FAF1: variants seen among roughly 807,000 people sequenced by gnomAD.
FAF1 encodes the protein Fas associated factor 1.
A neutral mutation model predicts 92.5 loss-of-function variants in FAF1; 25 were observed. That is an observed-to-expected ratio of 0.27 (90% CI 0.20 to 0.38). The LOEUF is 0.38. FAF1 is among the 10% of genes least tolerant of loss of function. FAF1 has a pLI of 1.00. For missense variants in FAF1, 636 were observed against 793.3 expected, an observed-to-expected ratio of 0.80 and a Z score of 2.38; for synonymous variants, 234 against 273.2, an observed-to-expected ratio of 0.86 and a Z score of 1.42.
At chr1:50,744,981 T>G (rs1026744219) in intron 4 of FAF1, among the ~76,000 whole-genome samples, 5 of 152,138 alleles carry the variant, frequency 3.3e-5, no homozygotes, top group Admixed American at 3.3e-4. Flanking sequence ...ATAGCATACA[T>G]TAATGAAACT....
chr1:50,485,462 A>G (rs1646753438), intron 17 of FAF1, among the ~76,000 whole-genome samples: 1 of 151,870 alleles, frequency 6.6e-6, no homozygotes, highest in Admixed American at 6.6e-5. Context: ...GGAGATCAAG[A>G]CCATCCTGGC....
intron 15 of FAF1, among the ~76,000 whole-genome samples, chr1:50,496,856 T>C (rs1394737603): frequency 6.7e-6 from 1 of 148,888 alleles, no homozygotes; most frequent in Non-Finnish European, 1.5e-5. Context: ...ACCATTGTAC[T>C]CCAGTCTGGG....
At chr1:50,783,856 C>T (rs111701872) in intron 4 of FAF1, among the ~76,000 whole-genome samples, 10,027 of 152,150 alleles carry the variant, frequency 0.066, 407 homozygotes, top group East Asian at 0.094. Context: ...GCCTGGGTGA[C>T]AGAGTGAGAC....
intron 12 of FAF1, among the ~76,000 whole-genome samples, chr1:50,581,454 A>G (rs993821307): frequency 6.6e-6 from 1 of 152,126 alleles, no homozygotes; most frequent in Non-Finnish European, 1.5e-5. Flanking sequence ...CCATGTACAC[A>G]CTATTCCTTC....
At chr1:50,942,366 T>C (rs1484007037) in intron 1 of FAF1, among the ~76,000 whole-genome samples, 1 of 151,940 alleles carries the variant, frequency 6.6e-6, no homozygotes, top group Non-Finnish European at 1.5e-5. Flanking sequence ...TACACATAAA[T>C]TAGCCAGGTG....
chr1:50,863,302 A>T (rs1644451023), intron 1 of FAF1, among the ~76,000 whole-genome samples: 1 of 151,988 alleles, frequency 6.6e-6, no homozygotes, highest in Admixed American at 6.6e-5. Flanking sequence ...AAACTAAAAA[A>T]TTATTTGAAC....
At chr1:50,873,075 C>T (rs1298832162) in intron 1 of FAF1, among the ~76,000 whole-genome samples, 1 of 152,152 alleles carries the variant, frequency 6.6e-6, no homozygotes, top group Non-Finnish European at 1.5e-5. Flanking sequence ...AACGTTGAGG[C>T]AAGACCCTTC....
intron 1 of FAF1, among the ~76,000 whole-genome samples, chr1:50,893,882 G>T (rs1045178654): frequency 1.3e-5 from 2 of 152,098 alleles, no homozygotes; most frequent in African/African-American, 4.8e-5. Context: ...TTGTACTGCG[G>T]CTGAACTGGC....
chr1:50,888,887 T>A (rs1223638743), intron 1 of FAF1, among the ~76,000 whole-genome samples: 2 of 152,212 alleles, frequency 1.3e-5, no homozygotes, highest in Non-Finnish European at 2.9e-5. Context: ...ATAAAATGAG[T>A]TAGGGAGGAT....
chr1:50,491,937 A>G, intron 15 of FAF1, 136 bp from the exon 16 acceptor site: 1 of 627,164 alleles, frequency 1.6e-6, no homozygotes, highest in Non-Finnish European at 2.8e-6. Context: ...AGTGTATAGG[A>G]CATAAATAAG....
rs12085302 is a variant in FAF1 at position 50,542,164 on chromosome 1, G to A, written c.1269-2436C>T. On this transcript the variant is annotated intron_variant, in intron 13 of 18. Transcript: ENST00000396153. ...ACCAACAATTTGTTCTAATCAAAGAGAGACTTAAAATTTTAATTAATCTGA... is the reference window on the plus strand; with the variant it reads ...ACCAACAATTTGTTCTAATCAAAGAAAGACTTAAAATTTTAATTAATCTGA... 7.4e-3 allele frequency among the ~76,000 whole-genome samples: 1,125 copies of A among 152,230 alleles called. 13 individuals are homozygous for A. The highest frequency in any genetic ancestry group is 0.026 in the African/African-American group (1,073 of 41,532).
At chr1:50,805,364 C>T (rs541418412) in intron 2 of FAF1, among the ~76,000 whole-genome samples, 19 of 152,226 alleles carry the variant, frequency 1.2e-4, no homozygotes, top group African/African-American at 4.6e-4. Flanking sequence ...TTTAGCAAAA[C>T]TGACAACGAA....
intron 4 of FAF1, among the ~76,000 whole-genome samples, chr1:50,762,137 G>A (rs1428106204): frequency 6.6e-6 from 1 of 152,022 alleles, no homozygotes; most frequent in African/African-American, 2.4e-5. Context: ...TACAAGGGAC[G>A]TGAAGGACCT....
intron 1 of FAF1, among the ~76,000 whole-genome samples, chr1:50,884,752 T>C (rs1466501425): frequency 6.6e-6 from 1 of 152,166 alleles, no homozygotes; most frequent in Non-Finnish European, 1.5e-5. Flanking sequence ...ATGTGTTTTT[T>C]TCTGATTTTG....
chr1:50,840,658 CT>C (rs1481885623), intron 2 of FAF1, among the ~76,000 whole-genome samples: 2 of 151,938 alleles, frequency 1.3e-5, no homozygotes, highest in African/African-American at 4.8e-5. Flanking sequence ...TCCATAATGC[CT>C]AGTGTTAGCA....
intron 7 of FAF1, among the ~76,000 whole-genome samples, chr1:50,700,355 G>GC (rs1488231320): frequency 6.6e-6 from 1 of 151,998 alleles, no homozygotes; most frequent in Non-Finnish European, 1.5e-5. Context: ...GTCGAACGCA[G>GC]CCCCCGGCCT....
intron 4 of FAF1, among the ~76,000 whole-genome samples, chr1:50,746,993 A>G (rs1288749800): frequency 6.6e-6 from 1 of 152,184 alleles, no homozygotes; most frequent in Non-Finnish European, 1.5e-5. Flanking sequence ...CACAGAATGC[A>G]AGAGTTGAGG....
At chr1:50,651,317 T>C (rs1053714103) in intron 8 of FAF1, among the ~76,000 whole-genome samples, 7 of 152,222 alleles carry the variant, frequency 4.6e-5, no homozygotes, top group Non-Finnish European at 5.9e-5. Flanking sequence ...ATAATTTATA[T>C]GCCATAAAAT....
At chr1:50,665,900 G>T (rs1305269421) in intron 7 of FAF1, among the ~76,000 whole-genome samples, 1 of 152,060 alleles carries the variant, frequency 6.6e-6, no homozygotes, top group African/African-American at 2.4e-5. Context: ...GATCAGGCCA[G>T]GTGCAGAGGA....
Sources: allele counts gnomAD v4.1 joint callset (sites outside exome capture counted in the v4.1 genomes callset), GRCh38; gene constraint gnomAD v4.1.1; transcripts MANE v1.5; gene names NCBI Gene and HGNC (gene_info 2026-07-23, HGNC 2026-07-21).